Variants in NDST3 observed in about 807,000 individuals in gnomAD.
The protein encoded by NDST3 is N-deacetylase and N-sulfotransferase 3.
Under a neutral mutation model 96.1 loss-of-function variants are expected in NDST3, and 58 were observed. The ratio of observed to expected loss-of-function variants is 0.60; its 90% CI spans 0.49 to 0.75. The LOEUF (loss-of-function observed/expected upper bound fraction) is 0.75, where lower values mean the gene tolerates loss of function less well. NDST3 is among the 30% of genes least tolerant of loss of function. The pLI is 0.00. For missense variants in NDST3, 788 were observed against 1,034.2 expected (o/e 0.76, Z 3.27); for synonymous variants, 333 against 359.7 (o/e 0.93, Z 0.84).
intron 6 of NDST3, among the ~76,000 whole-genome samples, chr4:118,204,862 T>C (rs1410243216): frequency 6.9e-6 from 1 of 144,576 alleles, no homozygotes; most frequent in African/African-American, 2.6e-5. Flanking sequence ...CAGAGAAAGT[T>C]AACAGAGCAA....
chr4:118,223,739 C>G (rs1045973424), intron 6 of NDST3, among the ~76,000 whole-genome samples: 11 of 152,030 alleles, frequency 7.2e-5, no homozygotes, highest in African/African-American at 2.4e-4. Flanking sequence ...TATAGTAAAC[C>G]ATTGTTACTA....
In NDST3 at chr4:118,193,042, G is replaced by C. The variant is rs576309740; in HGVS notation, c.1540-31449G>C. 9.9e-5 allele frequency among the ~76,000 whole-genome samples: 15 copies of C among 152,238 alleles called. 1 individual carries two copies. The South Asian group carries it at 3.1e-3, about 32-fold the overall frequency. Reference sequence around the variant, plus strand: ...GGATGAGGAAAACAGCTGCCCAGGAGTCTCCTTCTCCACCCTGGGTTCATA... The same window carrying C: ...GGATGAGGAAAACAGCTGCCCAGGACTCTCCTTCTCCACCCTGGGTTCATA... On this transcript the variant is annotated intron_variant, in intron 6 of 13. Coordinates refer to ENST00000296499, the MANE Select transcript of NDST3 (RefSeq NM_004784.3).
chr4:118,240,744 G>A (rs895327770), intron 11 of NDST3, 50 bp downstream of exon 11: 4 of 1,517,278 alleles, frequency 2.6e-6, no homozygotes, highest in Non-Finnish European at 2.7e-6. Flanking sequence ...TTAAGTTGAT[G>A]ACTTTGCCTT....
chr4:118,197,752 G>T (rs1421369831), intron 6 of NDST3, among the ~76,000 whole-genome samples: 1 of 150,062 alleles, frequency 6.7e-6, no homozygotes, highest in Non-Finnish European at 1.5e-5. Flanking sequence ...AGTTTTTGGG[G>T]GGTTTTTTGG....
chr4:118,161,105 A>G (rs1470330180), intron 6 of NDST3, among the ~76,000 whole-genome samples: 3 of 152,234 alleles, frequency 2.0e-5, no homozygotes, highest in Admixed American at 1.3e-4. Flanking sequence ...ACCCTCAGCT[A>G]GAGGTCTGTT....
chr4:118,072,087 T>C (rs1204041682), intron 2 of NDST3, among the ~76,000 whole-genome samples: 1 of 152,150 alleles, frequency 6.6e-6, no homozygotes, highest in African/African-American at 2.4e-5. Flanking sequence ...CATTGGTTTA[T>C]ATGTCTGTTT....
chr4:118,198,825 T>C (rs1271109478), intron 6 of NDST3, among the ~76,000 whole-genome samples: 1 of 152,184 alleles, frequency 6.6e-6, no homozygotes, highest in African/African-American at 2.4e-5. Flanking sequence ...TTTCACCAGA[T>C]ATACTATTCT....
At chr4:118,048,874 T>G (rs1249862865) in intron 1 of NDST3, among the ~76,000 whole-genome samples, 3 of 152,066 alleles carry the variant, frequency 2.0e-5, no homozygotes, top group Non-Finnish European at 4.4e-5. Flanking sequence ...ACCAACTAGA[T>G]CTAATAGATA....
At position 118,114,853 on chromosome 4, in the gene NDST3, G is replaced by A. The variant is rs143757057; in HGVS notation, c.1117G>A (p.Asp373Asn). The A allele has an allele frequency of 9.3e-5, 150 of 1,614,008 alleles. No homozygotes were observed. Among genetic ancestry groups the A allele is most frequent in the South Asian group, 3.4e-4 (31 of 91,086 alleles). The change falls in exon 4 of 14, where the codon GAT (aspartate) becomes AAT (asparagine). Residue 373 changes from aspartate to asparagine, a missense_variant. Asp to Asn is a conservative substitution (Grantham distance 23). Around this residue, in one of 3 missense-constraint regions of NDST3, gnomAD observed 490 missense variants for 708.8 expected, o/e 0.69. Coordinates refer to ENST00000296499, the MANE Select transcript of NDST3 (RefSeq NM_004784.3). ...AGATGACTGTCTGTTGGGGTCTGTG[G>A]ATGAGTTCTGGTGGTTTCCTCACAT... Reference protein sequence around the residue: ...EGDDCLLGSVDEFWWFPHMWS... With the variant: ...EGDDCLLGSVNEFWWFPHMWS...
intron 7 of NDST3, among the ~76,000 whole-genome samples, chr4:118,225,605 C>T (rs969796114): frequency 1.3e-5 from 2 of 152,148 alleles, no homozygotes; most frequent in Non-Finnish European, 1.5e-5. Flanking sequence ...CTGTTCTAAA[C>T]GCTACTAGAG....
At chr4:118,172,549 C>T (rs1736017565) in intron 6 of NDST3, among the ~76,000 whole-genome samples, 1 of 152,030 alleles carries the variant, frequency 6.6e-6, no homozygotes, top group African/African-American at 2.4e-5. Flanking sequence ...CAAAATTATA[C>T]ATAAATGGCA....
chr4:118,156,849 G>A (rs534639321), intron 6 of NDST3, among the ~76,000 whole-genome samples: 2 of 152,200 alleles, frequency 1.3e-5, no homozygotes, highest in Non-Finnish European at 2.9e-5. Flanking sequence ...CCTAGTGCGT[G>A]AGCAAATGGT....
At chr4:118,058,221 C>T (rs1438929050) in intron 2 of NDST3, among the ~76,000 whole-genome samples, 1 of 151,764 alleles carries the variant, frequency 6.6e-6, no homozygotes, top group East Asian at 1.9e-4. Flanking sequence ...TTTTAACTAG[C>T]AAACTAATCA....
At chr4:118,033,938 T>G (rs891473265), upstream of NDST3, 3 of 152,000 alleles carry the variant, frequency 2.0e-5, no homozygotes, top group Non-Finnish European at 2.9e-5. Context: ...ACGGGGCCGG[T>G]CTCCTCGCCC....
At chr4:118,150,446 A>G (rs1474024591) in intron 6 of NDST3, among the ~76,000 whole-genome samples, 131 of 152,102 alleles carry the variant, frequency 8.6e-4, no homozygotes, top group Non-Finnish European at 1.5e-3. Flanking sequence ...AGAGTGAACA[A>G]GCAACCTACA....
intron 6 of NDST3, among the ~76,000 whole-genome samples, chr4:118,150,702 A>G (rs1473484523): frequency 6.6e-6 from 1 of 151,608 alleles, no homozygotes; most frequent in Non-Finnish European, 1.5e-5. Flanking sequence ...ATCTCACACC[A>G]GTTAGAATAG....
intron 2 of NDST3, among the ~76,000 whole-genome samples, chr4:118,082,997 A>G (rs1239308297): frequency 6.6e-6 from 1 of 152,120 alleles, no homozygotes; most frequent in Non-Finnish European, 1.5e-5. Flanking sequence ...CAATCACCAG[A>G]ACAGCAAGCA....
chr4:118,200,453 T>C (rs2125978609), intron 6 of NDST3, among the ~76,000 whole-genome samples: 1 of 152,274 alleles, frequency 6.6e-6, no homozygotes, highest in Non-Finnish European at 1.5e-5. Context: ...AGCAGTGAGG[T>C]CCCTTCTGGC....
Position 118,253,591 on chromosome 4 carries a change from T to C in NDST3, c.2492T>C (p.Met831Thr). ...GKSKGRKYPP[M>T]DSDSRTFLSS... ...AGCAAAGGAAGAAAATACCCTCCAA[T>C]GGATTCTGATGTAAGCATAGACCTT... is the stretch of plus-strand genomic sequence containing the variant. Residue 831 changes from methionine to threonine, a missense_variant, in exon 13 of 14, where the codon ATG becomes ACG. This residue lies in a region of NDST3 where 64 missense variants were observed against 68.5 expected (regional missense o/e 0.93). Transcript: ENST00000296499. 1 of 1,606,214 alleles carries C rather than the reference T, an allele frequency of 6.2e-7. No individual in the cohort carries two copies. The highest frequency in any genetic ancestry group is 1.1e-5 in the South Asian group (1 of 90,588).
Sources: gnomAD v4.1 joint callset for allele counts (sites outside exome capture counted in the v4.1 genomes callset) on GRCh38, gnomAD v4.1.1 for gene constraint, gnomAD v4.1.1 regional missense constraint, MANE v1.5 for transcripts, NCBI Gene and HGNC (gene_info 2026-07-23, HGNC 2026-07-21) for gene names.